The following AP1S3 variants were observed in gnomAD, a reference collection of about 807,000 sequenced individuals.
AP1S3 encodes the protein adaptor related protein complex 1 subunit sigma 3, also known as AP-1 complex subunit sigma-3.
Under a neutral mutation model 20.9 loss-of-function variants are expected in AP1S3, and 10 were observed. The observed-to-expected ratio is 0.48, with a 90% confidence interval of 0.29 to 0.81. The LOEUF (loss-of-function observed/expected upper bound fraction) is 0.81, where lower values mean the gene tolerates loss of function less well. Ranked by LOEUF, AP1S3 falls within the 30% of genes least tolerant of loss-of-function variation. AP1S3 has a pLI of 0.08. For synonymous variants in AP1S3, 41 were observed against 61.5 expected (o/e 0.67, Z 1.56); for missense variants, 154 against 183.8 (o/e 0.84, Z 0.94).
intron 1 of AP1S3, among the ~76,000 whole-genome samples, chr2:223,793,568 A>G (rs555900226): frequency 6.6e-6 from 1 of 152,202 alleles, no homozygotes; most frequent in African/African-American, 2.4e-5. Context: ...AGTGGAGGGT[A>G]GGAGGAGGGA....
chr2:223,789,049 C>A (rs112197117), intron 1 of AP1S3, among the ~76,000 whole-genome samples: 2 of 152,154 alleles, frequency 1.3e-5, no homozygotes, highest in East Asian at 1.9e-4. Flanking sequence ...ATTTTAAGCA[C>A]CCTGCTTCTA....
chr2:223,804,642 G>A (rs1691537328), intron 1 of AP1S3, among the ~76,000 whole-genome samples: 1 of 151,988 alleles, frequency 6.6e-6, no homozygotes, highest in South Asian at 2.1e-4. Flanking sequence ...AGGAGGCAGA[G>A]GTTATGGTGG....
chr2:223,766,644 T>C (rs975660516), intron 3 of AP1S3, among the ~76,000 whole-genome samples: 1 of 152,214 alleles, frequency 6.6e-6, no homozygotes, highest in African/African-American at 2.4e-5. Context: ...GAAGACAGTG[T>C]GGTGATTCCT....
intron 1 of AP1S3, among the ~76,000 whole-genome samples, chr2:223,823,668 T>C (rs1408559759): frequency 6.6e-6 from 1 of 152,208 alleles, no homozygotes; most frequent in Non-Finnish European, 1.5e-5. Context: ...AAGAGCTCTA[T>C]GGTACAACAT....
At chr2:223,780,434 G>T (rs1379544994) in intron 1 of AP1S3, among the ~76,000 whole-genome samples, 1 of 141,930 alleles carries the variant, frequency 7.0e-6, no homozygotes, top group African/African-American at 2.6e-5. Flanking sequence ...TGCCCAGACT[G>T]GTCTCAAACT....
At chr2:223,789,549 T>A (rs1016763242) in intron 1 of AP1S3, among the ~76,000 whole-genome samples, 1 of 151,108 alleles carries the variant, frequency 6.6e-6, no homozygotes, top group Non-Finnish European at 1.5e-5. Flanking sequence ...TATAAAACTA[T>A]AGAGGGAGTG....
intron 1 of AP1S3, among the ~76,000 whole-genome samples, chr2:223,798,698 C>T (rs1021542376): frequency 6.6e-6 from 1 of 152,206 alleles, no homozygotes; most frequent in African/African-American, 2.4e-5. Flanking sequence ...AATCCACTTG[C>T]TATGAATTGA....
intron 1 of AP1S3, among the ~76,000 whole-genome samples, chr2:223,797,696 G>C (rs1230342304): frequency 6.6e-6 from 1 of 152,166 alleles, no homozygotes; most frequent in Admixed American, 6.6e-5. Flanking sequence ...AACCCGGGGG[G>C]CAGGGGTTGC....
chr2:223,764,256 G>A (rs1006075373), intron 4 of AP1S3, among the ~76,000 whole-genome samples: 3 of 152,244 alleles, frequency 2.0e-5, no homozygotes, highest in East Asian at 1.9e-4. Flanking sequence ...CAATGCTCTG[G>A]ATCCTCTTGA....
chr2:223,797,385 T>C (rs1422650329), intron 1 of AP1S3, among the ~76,000 whole-genome samples: 1 of 152,172 alleles, frequency 6.6e-6, no homozygotes, highest in Non-Finnish European at 1.5e-5. Context: ...TGTTGCTAAG[T>C]CTTCAGATTT....
rs115554002 is a variant in AP1S3 at position 223,821,072 on chromosome 2, T to C, written c.3+16376A>G. On this transcript the variant is annotated intron_variant, in intron 1 of 4. Coordinates refer to ENST00000396654, the MANE Select transcript of AP1S3 (RefSeq NM_001039569.2). ...GAGAAACCCTCTATTTAGAATGACA[T>C]CCAAGCTGCTCTAGGTATGGATGCC... Among the ~76,000 whole-genome samples, 481 of 152,334 alleles carry C rather than the reference T, an allele frequency of 3.2e-3. 3 individuals carry two copies. The highest frequency in any genetic ancestry group is 0.011 in the African/African-American group (450 of 41,588).
rs531434125 is a variant in AP1S3, at chr2:223,756,988, CTTTT to C, written c.*1723_*1726del. 3.2e-5 allele frequency: 30 copies of C among 934,472 alleles called. No individual in the cohort carries two copies. In the East Asian group the frequency reaches 1.3e-3, roughly 41 times the overall value. 57.9% of individuals were successfully genotyped at this position (934,472 alleles called of 1,614,324 possible). ...AGAATACTACAAGCTTTTACTTTTT[CTTTT>C]TTTTTTTTTTTTTCTTGAGACGCAG... On this transcript the variant is annotated 3_prime_UTR_variant, in exon 5 of 5. Transcript: ENST00000396654.
chr2:223,766,278 G>GT (rs899819149), intron 3 of AP1S3, among the ~76,000 whole-genome samples: 71 of 151,940 alleles, frequency 4.7e-4, no homozygotes, highest in African/African-American at 1.3e-3. Context: ...TGATGGGGTT[G>GT]TTTTTTTTCT....
At chr2:223,808,283 T>C (rs544982313) in intron 1 of AP1S3, among the ~76,000 whole-genome samples, 1 of 152,232 alleles carries the variant, frequency 6.6e-6, no homozygotes, top group African/African-American at 2.4e-5. Context: ...TTGGCAGACA[T>C]GAGGCAACAT....
At chr2:223,836,153 G>A (rs1168899495) in intron 1 of AP1S3, among the ~76,000 whole-genome samples, 1 of 152,146 alleles carries the variant, frequency 6.6e-6, no homozygotes, top group Non-Finnish European at 1.5e-5. Flanking sequence ...AGCCCACGTG[G>A]CCCACCCACT....
chr2:223,764,823 A>AT (rs1457523326), intron 4 of AP1S3, among the ~76,000 whole-genome samples: 1 of 152,330 alleles, frequency 6.6e-6, no homozygotes, highest in African/African-American at 2.4e-5. Context: ...AGCACTAAGT[A>AT]TTTGATACCT....
intron 1 of AP1S3, among the ~76,000 whole-genome samples, chr2:223,807,097 C>T (rs1335392820): frequency 2.0e-5 from 3 of 152,114 alleles, no homozygotes; most frequent in Admixed American, 1.3e-4. Context: ...GAAACCCCAT[C>T]TCTATTAAAA....
chr2:223,798,389 G>C (rs1200048215), intron 1 of AP1S3, among the ~76,000 whole-genome samples: 1 of 152,160 alleles, frequency 6.6e-6, no homozygotes, highest in African/African-American at 2.4e-5. Context: ...GGGCAGAACA[G>C]AGCTAGGAAG....
chr2:223,777,792 C>T lies in AP1S3; in HGVS notation c.81G>A (p.Glu27=), dbSNP rs199820616. 8.1e-6 allele frequency: 13 copies of T among 1,614,138 alleles called. No individual in the cohort carries two copies. Among genetic ancestry groups the T allele is most frequent in the Non-Finnish European group, 1.0e-5 (12 of 1,179,992 alleles). ...CAATTTCCCGGGTGATCTTCTTCCT[C>T]TCTTTATCAGGGAGAGTGATGTACC... The part of the protein sequence containing the change: ...QKWYITLPDK[E]RKKITREIVQ... Residue 27 remains glutamate, a synonymous_variant, in exon 2 of 5, where the codon GAG becomes GAA. Transcript: ENST00000396654.
Sources: allele counts gnomAD v4.1 joint callset (sites outside exome capture counted in the v4.1 genomes callset), GRCh38; gene constraint gnomAD v4.1.1; transcripts MANE v1.5; gene names NCBI Gene and HGNC (gene_info 2026-07-23, HGNC 2026-07-21).